Variants in SLC1A3 observed in about 807,000 individuals in gnomAD.
SLC1A3 encodes solute carrier family 1 member 3, also known as excitatory amino acid transporter 1.
Under a neutral mutation model 48.1 loss-of-function variants are expected in SLC1A3, and 21 were observed. That is an observed-to-expected ratio of 0.44 (90% CI 0.31 to 0.63). The LOEUF (loss-of-function observed/expected upper bound fraction) is 0.63, where lower values mean the gene tolerates loss of function less well. Among genes scored for constraint, SLC1A3 ranks in the 20% least tolerant of loss-of-function variants. The pLI, the probability that SLC1A3 is intolerant of heterozygous loss-of-function variation, is 0.08. For synonymous variants in SLC1A3, 239 were observed against 251.4 expected (o/e 0.95, Z 0.47); for missense variants, 546 against 689.0 (o/e 0.79, Z 2.32).
At chr5:36,662,282 A>G (rs769942351) in intron 3 of SLC1A3, among the ~76,000 whole-genome samples, 1 of 152,194 alleles carries the variant, frequency 6.6e-6, no homozygotes, top group African/African-American at 2.4e-5. Context: ...CAGGCTTTAC[A>G]GGTAGATCCA....
At chr5:36,669,108 C>T (rs537467454) in intron 3 of SLC1A3, 1 of 152,290 alleles carries the variant, frequency 6.6e-6, no homozygotes, top group African/African-American at 2.4e-5. Context: ...GCGTATTGTG[C>T]TTACACTACT....
At chr5:36,676,022 T>C (rs1742191463) in intron 5 of SLC1A3, among the ~76,000 whole-genome samples, 2 of 152,180 alleles carry the variant, frequency 1.3e-5, no homozygotes, top group South Asian at 4.1e-4. Flanking sequence ...GTTTACTTGT[T>C]TCATGTGGCC....
chr5:36,620,569 C>T (rs1385521958), intron 2 of SLC1A3, among the ~76,000 whole-genome samples: 1 of 152,134 alleles, frequency 6.6e-6, no homozygotes, highest in Non-Finnish European at 1.5e-5. Flanking sequence ...TGCTCAGCAC[C>T]AGCTGGGGCC....
chr5:36,658,350 G>C (rs1417610946), intron 3 of SLC1A3, among the ~76,000 whole-genome samples: 2 of 152,108 alleles, frequency 1.3e-5, no homozygotes, highest in South Asian at 4.1e-4. Flanking sequence ...AAATGAAGCT[G>C]AAAAAAGAAG....
At chr5:36,613,922 A>G (rs573832694) in intron 2 of SLC1A3, among the ~76,000 whole-genome samples, 1 of 152,190 alleles carries the variant, frequency 6.6e-6, no homozygotes, top group Non-Finnish European at 1.5e-5. Context: ...AGGGCTAGTG[A>G]TAACACATGT....
chr5:36,617,415 C>CTTTTTTTTTT (rs34710652), intron 2 of SLC1A3, among the ~76,000 whole-genome samples: 1 of 57,674 alleles, frequency 1.7e-5, no homozygotes, highest in East Asian at 5.8e-4. Context: ...AGGTTGCGGG[C>CTTTTTTTTTT]TTTTTTTTTT....
At chr5:36,683,122 G>T (rs552490599) in intron 8 of SLC1A3, among the ~76,000 whole-genome samples, 22 of 152,298 alleles carry the variant, frequency 1.4e-4, no homozygotes, top group African/African-American at 5.3e-4. Context: ...CATTAATCAT[G>T]AATGTTCAGT....
At chr5:36,638,480 T>G (rs1037044331) in intron 3 of SLC1A3, among the ~76,000 whole-genome samples, 8 of 152,296 alleles carry the variant, frequency 5.3e-5, no homozygotes, top group Admixed American at 3.3e-4. Flanking sequence ...TAGCTTTCAA[T>G]CTTTCCGTAA....
chr5:36,652,471 C>A (rs779174483), intron 3 of SLC1A3, among the ~76,000 whole-genome samples: 1 of 152,126 alleles, frequency 6.6e-6, no homozygotes, highest in Non-Finnish European at 1.5e-5. Flanking sequence ...GCATCTCTCC[C>A]TCCCCTGCAG....
intron 4 of SLC1A3, 109 bp downstream of exon 4, chr5:36,671,342 G>A: frequency 1.3e-6 from 1 of 765,912 alleles, no homozygotes; most frequent in Non-Finnish European, 2.3e-6. Context: ...AGCCTTGCCA[G>A]GCTTGAAATG....
chr5:36,620,114 C>T (rs1739603583), intron 2 of SLC1A3, among the ~76,000 whole-genome samples: 1 of 152,186 alleles, frequency 6.6e-6, no homozygotes, highest in South Asian at 2.1e-4. Context: ...ATATCACTTA[C>T]CGCAATGTGC....
intron 3 of SLC1A3, among the ~76,000 whole-genome samples, chr5:36,656,382 A>G (rs575815083): frequency 6.6e-6 from 1 of 152,328 alleles, no homozygotes; most frequent in South Asian, 2.1e-4. Flanking sequence ...CTGATGTGGT[A>G]TGTGGCCTCT....
intron 3 of SLC1A3, 174 bp from the exon 4 acceptor site, chr5:36,670,855 G>A (rs950975203): frequency 2.1e-5 from 14 of 661,238 alleles, no homozygotes; most frequent in South Asian, 3.4e-5. Flanking sequence ...TTCTAGCCTC[G>A]GCCTTTTCCC....
intron 3 of SLC1A3, among the ~76,000 whole-genome samples, chr5:36,663,693 GTAATCTTA>G (rs1235465321): frequency 2.0e-5 from 3 of 152,144 alleles, no homozygotes; most frequent in Non-Finnish European, 2.9e-5. Context: ...TTCATGTAAT[GTAATCTTA>G]TAAGGCTAAG....
intron 2 of SLC1A3, among the ~76,000 whole-genome samples, chr5:36,619,500 C>T (rs1055198169): frequency 2.0e-5 from 3 of 151,736 alleles, no homozygotes; most frequent in Admixed American, 1.3e-4. Flanking sequence ...ATTAGCCAGG[C>T]GTTGTGGTGC....
rs1185859716 is a variant in SLC1A3 at position 36,629,505 on chromosome 5, G to C, written c.237G>C (p.Lys79Asn). The change falls in exon 3 of 10, where the codon AAG becomes AAC. Residue 79 changes from lysine (K) to asparagine (N), a missense_variant. Transcript: ENST00000265113. ...ACAGAATGAGCTACCGGGAAGTCAA[G>C]TACTTCTCCTTTCCTGGGGAACTTC... ...RPYRMSYREV[K>N]YFSFPGELLM... 1.2e-6 allele frequency: 2 copies of C among 1,610,240 alleles called. No individual in the cohort carries two copies. The highest frequency in any genetic ancestry group is 1.7e-6 in the Non-Finnish European group (2 of 1,178,856).
At chr5:36,679,919 A>C in intron 7 of SLC1A3, 59 bp downstream of exon 7, 1 of 1,199,722 alleles carries the variant, frequency 8.3e-7, no homozygotes, top group Non-Finnish European at 1.2e-6. Context: ...GGGCCCCTCA[A>C]GTAGGGTGTA....
At chr5:36,637,078 GCTT>G (rs1740422245) in intron 3 of SLC1A3, among the ~76,000 whole-genome samples, 2 of 152,174 alleles carry the variant, frequency 1.3e-5, no homozygotes, top group African/African-American at 4.8e-5. Context: ...GTGTCCCAGT[GCTT>G]CTTCTGTGCC....
chr5:36,628,506 A>C (rs1283514256), intron 2 of SLC1A3, among the ~76,000 whole-genome samples: 1 of 152,216 alleles, frequency 6.6e-6, no homozygotes, highest in African/African-American at 2.4e-5. Context: ...AAAAAATGGA[A>C]TCACATGTTT....
Sources: gnomAD v4.1 joint callset for allele counts (sites outside exome capture counted in the v4.1 genomes callset) on GRCh38, gnomAD v4.1.1 for gene constraint, MANE v1.5 for transcripts, NCBI Gene and HGNC (gene_info 2026-07-23, HGNC 2026-07-21) for gene names.